The following CENPE variants were observed in gnomAD, a reference collection of about 807,000 sequenced individuals.
CENPE encodes the protein centromere protein E.
A neutral mutation model predicts 336.1 loss-of-function variants in CENPE; 145 were observed. That is an observed-to-expected ratio of 0.43 (90% confidence interval 0.38 to 0.50). The LOEUF (loss-of-function observed/expected upper bound fraction) is 0.50. CENPE is among the 20% of genes least tolerant of loss of function. The pLI, the probability that CENPE is intolerant of heterozygous loss-of-function variation, is 0.00. For synonymous variants in CENPE, 1,013 were observed against 984.8 expected (o/e 1.03, Z -0.54); for missense variants, 2,719 against 3,023.3 (o/e 0.90, Z 2.36).
chr4:103,182,155 G>A (rs918923937), intron 11 of CENPE, among the ~76,000 whole-genome samples: 1 of 151,370 alleles, frequency 6.6e-6, no homozygotes, highest in Non-Finnish European at 1.5e-5. Context: ...GCAATGGCGC[G>A]ATCTCGGCTC....
chr4:103,140,832 C>A lies in CENPE; in HGVS notation c.5736G>T (p.Leu1912=), dbSNP rs1301935006. Residue 1912 remains leucine, a synonymous_variant, in exon 36 of 49, where the codon CTG becomes CTT. Coordinates refer to ENST00000265148, the MANE Select transcript of CENPE (RefSeq NM_001813.3). ...KLERDQLKES[L]QETKARDLEI... ...AACTCACTCTAGCTTTGGTTTCTTG[C>A]AGGCTTTCCTTGAGTTGGTCTCTCT... 1.3e-6 allele frequency: 2 copies of A among 1,587,448 alleles called. No individual in the cohort carries two copies. The highest frequency in any genetic ancestry group is 8.5e-7 in the Non-Finnish European group (1 of 1,171,974).
chr4:103,129,349 A>G (rs972005575), intron 42 of CENPE, among the ~76,000 whole-genome samples: 4 of 152,226 alleles, frequency 2.6e-5, no homozygotes, highest in Non-Finnish European at 5.9e-5. Context: ...TAGAAGATAG[A>G]AACGGAAACT....
rs560239020 is a variant in CENPE at position 103,130,931 on chromosome 4, C to T, written c.6924+1762G>A. On this transcript the variant is annotated intron_variant, in intron 42 of 48. Transcript: ENST00000265148. ...CAAGCGAAAAAAAAAAAAAAAAGAC[C>T]TTAAGAACTTCAGAAAAATTAACTC... Among the ~76,000 whole-genome samples, 59 of 139,868 alleles carry T rather than the reference C, an allele frequency of 4.2e-4. 1 individual carries two copies. The highest frequency in any genetic ancestry group is 4.0e-3 in the South Asian group (18 of 4,514). The allele number at this position is 139,868 out of a possible 152,430, so 91.8% of individuals were successfully genotyped here.
chr4:103,136,573 G>T (rs1752087249), intron 39 of CENPE, among the ~76,000 whole-genome samples: 1 of 152,138 alleles, frequency 6.6e-6, no homozygotes, highest in Non-Finnish European at 1.5e-5. Flanking sequence ...AAAAATTTAA[G>T]CAAATATAAC....
At chr4:103,190,945 G>GAAAA (rs577578830) in intron 8 of CENPE, among the ~76,000 whole-genome samples, 1 of 129,686 alleles carries the variant, frequency 7.7e-6, no homozygotes, top group African/African-American at 2.8e-5. Context: ...AACAAATTTA[G>GAAAA]AAAAAAAAAA....
At chr4:103,187,621 C>T (rs1436107011) in intron 8 of CENPE, among the ~76,000 whole-genome samples, 1 of 151,788 alleles carries the variant, frequency 6.6e-6, no homozygotes, top group Non-Finnish European at 1.5e-5. Flanking sequence ...CACCACCAGG[C>T]CTGCCTTACA....
chr4:103,114,928 T>C (rs1203764302), intron 45 of CENPE, among the ~76,000 whole-genome samples: 1 of 152,198 alleles, frequency 6.6e-6, no homozygotes, highest in Non-Finnish European at 1.5e-5. Context: ...CAGCTTTATT[T>C]CTGTATGGTC....
intron 44 of CENPE, 59 bp from the exon 45 acceptor site, chr4:103,116,748 T>G: frequency 1.2e-6 from 1 of 837,698 alleles, no homozygotes; most frequent in Non-Finnish European, 1.9e-6. Flanking sequence ...TTTCTCCAGT[T>G]GTAAAGAATG....
intron 16 of CENPE, among the ~76,000 whole-genome samples, chr4:103,168,636 G>A (rs994261974): frequency 1.3e-5 from 2 of 152,280 alleles, no homozygotes; most frequent in African/African-American, 4.8e-5. Context: ...GGGTCCTACC[G>A]GGAGACAGGC....
intron 16 of CENPE, among the ~76,000 whole-genome samples, chr4:103,164,899 TAAGA>T (rs1471558711): frequency 6.6e-6 from 1 of 152,072 alleles, no homozygotes; most frequent in Non-Finnish European, 1.5e-5. Flanking sequence ...CATTTACCAA[TAAGA>T]AAGAATCAAA....
chr4:103,143,001 C>G lies in CENPE; in HGVS notation c.5304+247G>C, dbSNP rs1752696814. Among the ~76,000 whole-genome samples the G allele has an allele frequency of 7.2e-5, 5 of 69,122 alleles. No homozygotes were observed. The South Asian group carries it at 2.6e-3, about 36-fold the overall frequency. The allele number at this position is 69,122 out of a possible 152,430, so 45.3% of individuals were successfully genotyped here. A position where few individuals can be genotyped will look rare whatever the true frequency, so the allele number is the denominator to read the frequency against. On this transcript the variant is annotated intron_variant, in intron 34 of 48. Transcript: ENST00000265148. ...TCCAGGCGACAGAGCGAGACTCTGTCTCAAAAAAAAAAAAAAAAAAAAAAA... is the reference window on the plus strand; with the variant it reads ...TCCAGGCGACAGAGCGAGACTCTGTGTCAAAAAAAAAAAAAAAAAAAAAAA...
At chr4:103,171,376 A>C (rs943976532) in intron 16 of CENPE, among the ~76,000 whole-genome samples, 2 of 152,144 alleles carry the variant, frequency 1.3e-5, no homozygotes, top group African/African-American at 2.4e-5. Context: ...GAAATTCTGG[A>C]AATATTACAA....
intron 24 of CENPE, among the ~76,000 whole-genome samples, chr4:103,153,571 A>G (rs982536223): frequency 6.6e-6 from 1 of 152,198 alleles, no homozygotes; most frequent in African/African-American, 2.4e-5. Flanking sequence ...AACTACAAAT[A>G]TTAATAATTG....
chr4:103,194,197 A>G (rs1386163084), intron 8 of CENPE, 32 bp downstream of exon 8: 14 of 1,561,338 alleles, frequency 9.0e-6, no homozygotes, highest in Non-Finnish European at 1.2e-5. Flanking sequence ...TTTGGCCCAT[A>G]CAGTACATTA....
At chr4:103,111,404 G>A (rs1291778399) in intron 46 of CENPE, among the ~76,000 whole-genome samples, 1 of 151,994 alleles carries the variant, frequency 6.6e-6, no homozygotes, top group Non-Finnish European at 1.5e-5. Context: ...AGGGTGGGAG[G>A]GCCACCCCGT....
intron 16 of CENPE, among the ~76,000 whole-genome samples, chr4:103,174,136 T>C (rs1378043070): frequency 6.6e-6 from 1 of 151,526 alleles, no homozygotes; most frequent in African/African-American, 2.4e-5. Context: ...AAAGAAAATT[T>C]GGTATAAAGT....
intron 8 of CENPE, among the ~76,000 whole-genome samples, chr4:103,188,672 C>T (rs7656438): frequency 0.45 from 67,817 of 151,780 alleles, 15,807 homozygotes; most frequent in African/African-American, 0.59. Flanking sequence ...TAGCACTAAA[C>T]GCCCACAAGA....
At chr4:103,113,539 CTT>C (rs527266023) in intron 46 of CENPE, among the ~76,000 whole-genome samples, 1,504 of 134,808 alleles carry the variant, frequency 0.011, 29 homozygotes, top group African/African-American at 0.038. Flanking sequence ...TAATATATAA[CTT>C]ATATATAATA....
intron 11 of CENPE, among the ~76,000 whole-genome samples, chr4:103,182,266 T>A (rs893077489): frequency 4.6e-5 from 7 of 152,176 alleles, no homozygotes; most frequent in African/African-American, 9.7e-5. Flanking sequence ...TAATTTTGTA[T>A]TTTTAGTAAA....
Sources: gnomAD v4.1 joint callset for allele counts (sites outside exome capture counted in the v4.1 genomes callset) on GRCh38, gnomAD v4.1.1 for gene constraint, MANE v1.5 for transcripts, NCBI Gene and HGNC (gene_info 2026-07-23, HGNC 2026-07-21) for gene names.